DMD: variants seen among roughly 807,000 people sequenced by gnomAD.
DMD encodes the protein mutant dystrophin.
In DMD, 63 loss-of-function variants were observed where a neutral mutation model predicts 330.1. The ratio of observed to expected loss-of-function variants is 0.19; its 90% confidence interval spans 0.16 to 0.24. The LOEUF is 0.24. Among genes scored for constraint, DMD ranks in the 10% least tolerant of loss-of-function variants. The pLI is 1.00. For missense variants in DMD, 3,344 were observed against 2,684.1 expected (o/e 1.25, Z -5.43); for synonymous variants, 1,223 against 959.8 (o/e 1.27, Z -5.07).
intron 16 of DMD, among the ~76,000 whole-genome samples, chrX:32,561,502 G>A (rs2051001020): frequency 8.9e-6 from 1 of 111,848 alleles, no homozygotes; most frequent in Non-Finnish European, 1.9e-5. Flanking sequence ...TGACAAATGT[G>A]GGATTATGTA....
intron 1 of DMD, among the ~76,000 whole-genome samples, chrX:33,068,455 T>A (rs987125757): frequency 2.7e-5 from 3 of 112,433 alleles, no homozygotes; most frequent in African/African-American, 9.7e-5. Flanking sequence ...ATCATTTTTA[T>A]ATAGGTAATA....
intron 9 of DMD, among the ~76,000 whole-genome samples, chrX:32,656,308 C>G (rs944213762): frequency 8.9e-6 from 1 of 111,864 alleles, no homozygotes; most frequent in Admixed American, 9.5e-5. Context: ...AAGACAGCGT[C>G]CCAGGGGATG....
chrX:32,908,270 T>C (rs910677505), intron 2 of DMD, among the ~76,000 whole-genome samples: 3 of 111,993 alleles, frequency 2.7e-5, no homozygotes, highest in Admixed American at 1.9e-4. Context: ...TGTTCTACCA[T>C]GCAGCAGAGC....
rs753227877 is a variant in DMD, at chrX:32,270,765, C to T, written c.6290+16764G>A. Among the ~76,000 whole-genome samples the T allele has an allele frequency of 1.4e-4, 16 of 111,612 alleles. No homozygotes were observed. The South Asian group carries it at 1.5e-3, about 10-fold the overall frequency. On this transcript the variant is annotated intron_variant, in intron 43 of 78. Coordinates refer to ENST00000357033, the MANE Select transcript of DMD (RefSeq NM_004006.3). ...TTCCAGCTTGAGCCCCAGAATGAGA[C>T]ACATAGATCAGACATGTTTGGTCAA...
intron 2 of DMD, among the ~76,000 whole-genome samples, chrX:33,006,248 CTAAAGTTTA>C (rs2093394260): frequency 1.8e-5 from 2 of 111,432 alleles, no homozygotes; most frequent in Admixed American, 9.6e-5. Flanking sequence ...CAAACCGTTT[CTAAAGTTTA>C]TATGAAAGGC....
At chrX:32,657,065 C>G (rs1428328727) in intron 9 of DMD, among the ~76,000 whole-genome samples, 2 of 108,755 alleles carry the variant, frequency 1.8e-5, no homozygotes, top group African/African-American at 6.7e-5. Context: ...TTCTCTAATT[C>G]TACCATTTAT....
chrX:32,230,915 TAA>T (rs763807254), intron 43 of DMD, among the ~76,000 whole-genome samples: 5 of 112,342 alleles, frequency 4.5e-5, no homozygotes, highest in South Asian at 3.7e-4. Flanking sequence ...TAGAAAATAT[TAA>T]GTTATCAAAT....
At chrX:32,456,958 T>TA (rs59677275) in intron 25 of DMD, among the ~76,000 whole-genome samples, 5,708 of 79,975 alleles carry the variant, frequency 0.071, 251 homozygotes, top group Middle Eastern at 0.13. Flanking sequence ...TCCAGATTGT[T>TA]AAAAAAAAAA....
chrX:32,724,374 G>T (rs1569489925), intron 7 of DMD, among the ~76,000 whole-genome samples: 2 of 111,391 alleles, frequency 1.8e-5, no homozygotes, highest in South Asian at 7.4e-4. Flanking sequence ...GATTTATGAG[G>T]AACTATGCAA....
intron 63 of DMD, among the ~76,000 whole-genome samples, chrX:31,234,424 A>G (rs1379334304): frequency 8.9e-6 from 1 of 112,511 alleles, no homozygotes; most frequent in Non-Finnish European, 1.9e-5. Flanking sequence ...TTGTGCTGCC[A>G]AAAATATTGC....
intron 35 of DMD, 78 bp from the exon 36 acceptor site, chrX:32,364,788 T>C: frequency 6.5e-6 from 7 of 1,071,370 alleles, no homozygotes; most frequent in South Asian, 2.0e-5. Flanking sequence ...TTCTAAAATG[T>C]TTAAAAGACA....
intron 78 of DMD, 104 bp downstream of exon 78, chrX:31,126,538 T>TA: frequency 1.5e-6 from 1 of 685,106 alleles, no homozygotes; most frequent in Non-Finnish European, 2.4e-6. Flanking sequence ...CAATGTGTAA[T>TA]ACACACATGC....
chrX:31,576,750 T>G, intron 55 of DMD, among the ~76,000 whole-genome samples: 1 of 108,711 alleles, frequency 9.2e-6, no homozygotes, highest in Admixed American at 9.8e-5. Context: ...AGTAAAAATA[T>G]ATGAGGTTGT....
At chrX:32,255,750 T>C (rs2097295825) in intron 43 of DMD, among the ~76,000 whole-genome samples, 1 of 112,273 alleles carries the variant, frequency 8.9e-6, no homozygotes, top group African/African-American at 3.2e-5. Context: ...CCAGACCTCA[T>C]TGTTGCAGCT....
chrX:31,676,079 G>A (rs997161666), intron 53 of DMD, among the ~76,000 whole-genome samples: 3 of 112,060 alleles, frequency 2.7e-5, no homozygotes, highest in East Asian at 5.6e-4. Context: ...CATCACTGAG[G>A]TGCTGCAAAG....
intron 1 of DMD, among the ~76,000 whole-genome samples, chrX:33,256,159 T>C (rs935481652): frequency 1.4e-4 from 16 of 111,481 alleles, no homozygotes; most frequent in African/African-American, 4.8e-4. Context: ...CTGAATTGTC[T>C]AATTATTGTC....
intron 17 of DMD, among the ~76,000 whole-genome samples, chrX:32,520,844 CTTTTTTTT>C (rs746203243): frequency 1.1e-5 from 1 of 87,956 alleles, no homozygotes; most frequent in Non-Finnish European, 2.2e-5. Context: ...TCCTGCCATA[CTTTTTTTT>C]TTTTTTTTTT....
At chrX:31,982,627 C>G (rs189086034) in intron 44 of DMD, among the ~76,000 whole-genome samples, 290 of 111,061 alleles carry the variant, frequency 2.6e-3, no homozygotes, top group Middle Eastern at 4.9e-3. Context: ...TAACCCTCTA[C>G]CCATTTGGGA....
chrX:31,378,903 A>G (rs1461455332), intron 60 of DMD, among the ~76,000 whole-genome samples: 1 of 111,188 alleles, frequency 9.0e-6, no homozygotes, highest in Non-Finnish European at 1.9e-5. Context: ...ACCCCAGTAC[A>G]AACTTGACAG....
Sources: allele counts gnomAD v4.1 joint callset (sites outside exome capture counted in the v4.1 genomes callset), GRCh38; gene constraint gnomAD v4.1.1; transcripts MANE v1.5; gene names NCBI Gene and HGNC (gene_info 2026-07-23, HGNC 2026-07-21).